GPC6: variants seen among roughly 807,000 people sequenced by gnomAD.
GPC6 encodes the protein glypican 6.
In GPC6, 14 loss-of-function variants were observed where a neutral mutation model predicts 55.2. That is an observed-to-expected ratio of 0.25 (90% CI 0.17 to 0.40). The LOEUF is 0.40. Ranked by LOEUF, GPC6 falls within the 10% of genes least tolerant of loss-of-function variation. GPC6 has a pLI of 1.00. For synonymous variants in GPC6, 278 were observed against 259.6 expected (o/e 1.07, Z -0.68); for missense variants, 641 against 708.5 (o/e 0.90, Z 1.08).
chr13:94,381,838 G>C (rs1033956696), intron 6 of GPC6, among the ~76,000 whole-genome samples: 29 of 152,170 alleles, frequency 1.9e-4, no homozygotes, highest in African/African-American at 7.0e-4. Context: ...CCCGTATTTA[G>C]AATGACTTCT....
intron 2 of GPC6, among the ~76,000 whole-genome samples, chr13:93,797,698 G>T (rs886928737): frequency 6.6e-6 from 1 of 152,172 alleles, no homozygotes; most frequent in African/African-American, 2.4e-5. Flanking sequence ...GCCTAAGAGA[G>T]AAAGTAAATG....
At chr13:93,642,201 G>T (rs1397145410) in intron 2 of GPC6, among the ~76,000 whole-genome samples, 1 of 151,962 alleles carries the variant, frequency 6.6e-6, no homozygotes, top group Non-Finnish European at 1.5e-5. Context: ...ATATCCATGT[G>T]TGCCCAATGG....
chr13:93,590,067 T>A (rs2139505368), intron 2 of GPC6, among the ~76,000 whole-genome samples: 1 of 152,328 alleles, frequency 6.6e-6, no homozygotes, highest in Admixed American at 6.5e-5. Flanking sequence ...TTGAAATAAT[T>A]AATTTTCCTG....
chr13:93,944,275 C>T (rs1347071393), intron 3 of GPC6, among the ~76,000 whole-genome samples: 1 of 151,894 alleles, frequency 6.6e-6, no homozygotes, highest in Non-Finnish European at 1.5e-5. Flanking sequence ...GCCATCTCGG[C>T]TCACTGCAAG....
At chr13:93,872,902 A>C (rs982916453) in intron 3 of GPC6, among the ~76,000 whole-genome samples, 1 of 151,966 alleles carries the variant, frequency 6.6e-6, no homozygotes, top group African/African-American at 2.4e-5. Context: ...ATCGAATTTC[A>C]GATTTATTTT....
intron 4 of GPC6, among the ~76,000 whole-genome samples, chr13:94,183,330 C>G (rs1889059713): frequency 6.6e-6 from 1 of 152,172 alleles, no homozygotes. Context: ...TGTCATGCTT[C>G]TTTCACTTAG....
intron 3 of GPC6, among the ~76,000 whole-genome samples, chr13:93,960,171 C>A (rs558150390): frequency 1.4e-4 from 21 of 152,180 alleles, no homozygotes; most frequent in Non-Finnish European, 2.8e-4. Context: ...TCTCCTCTTG[C>A]GGGCTCCTGT....
In GPC6 at chr13:94,180,399, C is replaced by A. The variant is rs576052255; in HGVS notation, c.878-105950C>A. Reference sequence around the variant, plus strand: ...GTATCCATTTATATTTGATACTCTGCTTCAAATATGGCAATTTGATCAACT... The same window carrying A: ...GTATCCATTTATATTTGATACTCTGATTCAAATATGGCAATTTGATCAACT... On this transcript the variant is annotated intron_variant, in intron 4 of 8. Coordinates refer to ENST00000377047, the MANE Select transcript of GPC6 (RefSeq NM_005708.5). Among the ~76,000 whole-genome samples, 4 of 152,286 alleles carry A rather than the reference C, an allele frequency of 2.6e-5. No homozygotes were observed. In the South Asian group the frequency reaches 8.3e-4, roughly 32 times the overall value.
chr13:93,610,933 G>A (rs751032914), intron 2 of GPC6, among the ~76,000 whole-genome samples: 1 of 151,772 alleles, frequency 6.6e-6, no homozygotes, highest in Non-Finnish European at 1.5e-5. Context: ...TTTACAACTG[G>A]GCAGATAAGA....
chr13:94,358,578 T>G (rs1019867787), intron 6 of GPC6, among the ~76,000 whole-genome samples: 93 of 152,192 alleles, frequency 6.1e-4, no homozygotes, highest in African/African-American at 2.1e-3. Context: ...GTCTACTCTT[T>G]AACCCCATGG....
intron 4 of GPC6, among the ~76,000 whole-genome samples, chr13:94,212,452 T>C (rs995910729): frequency 2.0e-5 from 3 of 152,208 alleles, no homozygotes; most frequent in Non-Finnish European, 4.4e-5. Context: ...ATTATCATCA[T>C]TGTTAATTAT....
chr13:94,397,170 A>T (rs936711930), intron 7 of GPC6, among the ~76,000 whole-genome samples: 1 of 152,062 alleles, frequency 6.6e-6, no homozygotes, highest in Non-Finnish European at 1.5e-5. Context: ...AAAGAAGGGC[A>T]TTGGGGAGGT....
chr13:94,369,553 G>A (rs559559808), intron 6 of GPC6, among the ~76,000 whole-genome samples: 1 of 152,324 alleles, frequency 6.6e-6, no homozygotes, highest in South Asian at 2.1e-4. Context: ...TGTTTATGAG[G>A]ATTGCAAAGA....
intron 3 of GPC6, among the ~76,000 whole-genome samples, chr13:94,001,533 G>A (rs1881800964): frequency 6.6e-6 from 1 of 152,040 alleles, no homozygotes; most frequent in Non-Finnish European, 1.5e-5. Flanking sequence ...ATTGTGCATA[G>A]AATTTAGCTA....
intron 6 of GPC6, among the ~76,000 whole-genome samples, chr13:94,379,540 C>G (rs1323624): frequency 6.6e-6 from 1 of 152,148 alleles, no homozygotes; most frequent in Non-Finnish European, 1.5e-5. Flanking sequence ...TTCTCCCACC[C>G]CTCTTGGGAC....
intron 4 of GPC6, among the ~76,000 whole-genome samples, chr13:94,132,295 A>G (rs1476287351): frequency 2.0e-5 from 3 of 152,166 alleles, no homozygotes; most frequent in Admixed American, 2.0e-4. Flanking sequence ...ATTTCCCTGA[A>G]GCTATTTCTT....
chr13:93,413,742 A>G (rs1876596626), intron 1 of GPC6, among the ~76,000 whole-genome samples: 1 of 152,100 alleles, frequency 6.6e-6, no homozygotes, highest in African/African-American at 2.4e-5. Context: ...TTGATGGTGT[A>G]TCTCCTTAGA....
intron 2 of GPC6, among the ~76,000 whole-genome samples, chr13:93,682,430 C>T (rs1205477065): frequency 6.6e-6 from 1 of 152,090 alleles, no homozygotes; most frequent in Non-Finnish European, 1.5e-5. Context: ...GACATAGCTG[C>T]CCTGAAGGTG....
At chr13:93,772,524 G>C (rs998187804) in intron 2 of GPC6, among the ~76,000 whole-genome samples, 1 of 152,014 alleles carries the variant, frequency 6.6e-6, no homozygotes, top group African/African-American at 2.4e-5. Flanking sequence ...GCATCATTGA[G>C]AGGAAGAGTT....
Sources: gnomAD v4.1 joint callset for allele counts (sites outside exome capture counted in the v4.1 genomes callset) on GRCh38, gnomAD v4.1.1 for gene constraint, MANE v1.5 for transcripts, NCBI Gene and HGNC (gene_info 2026-07-23, HGNC 2026-07-21) for gene names.